Variants in CRYGA observed in about 807,000 individuals in gnomAD.
The protein encoded by CRYGA is gamma-crystallin A.
CRYGA carries 11 observed loss-of-function variants against 13.8 expected under a neutral mutation model. That is an observed-to-expected ratio of 0.80 (90% confidence interval 0.50 to 1.32). CRYGA has a LOEUF of 1.32. Among genes scored for constraint, CRYGA ranks in the 40% most tolerant of loss-of-function variants. CRYGA has a pLI of 0.00. For missense variants in CRYGA, 271 were observed against 234.1 expected, an observed-to-expected ratio of 1.16 and a Z score of -1.03; for synonymous variants, 97 against 89.3, an observed-to-expected ratio of 1.09 and a Z score of -0.48.
Position 208,163,458 on chromosome 2 carries a change from A to G in CRYGA, c.10-12T>C. 1 of 1,613,484 alleles carries G rather than the reference A, an allele frequency of 6.2e-7. No homozygotes were observed. The highest frequency in any genetic ancestry group is 1.1e-5 in the South Asian group (1 of 91,036). On this transcript the variant is annotated splice_polypyrimidine_tract_variant and intron_variant, in intron 1 of 2. Coordinates refer to ENST00000304502, the MANE Select transcript of CRYGA (RefSeq NM_014617.4). Reference sequence around the variant, plus strand: ...TCGTAGAAGGTGATCTGAGGTAGAAATAAGGTGACAGTAGACAGTCAGCTG... The same window carrying G: ...TCGTAGAAGGTGATCTGAGGTAGAAGTAAGGTGACAGTAGACAGTCAGCTG...
intron 2 of CRYGA, among the ~76,000 whole-genome samples, chr2:208,162,277 T>G (rs1261903657): frequency 1.3e-5 from 2 of 152,106 alleles, no homozygotes; most frequent in African/African-American, 2.4e-5. Flanking sequence ...ACTACATAAT[T>G]TGGTGCCAAC....
chr2:208,161,728 A>C (rs1304704648), intron 2 of CRYGA, among the ~76,000 whole-genome samples: 1 of 152,122 alleles, frequency 6.6e-6, no homozygotes, highest in East Asian at 1.9e-4. Flanking sequence ...TTTTGACTCC[A>C]TATAATTGAG....
chr2:208,161,193 A>T, intron 2 of CRYGA, 117 bp from the exon 3 acceptor site: 2 of 1,071,276 alleles, frequency 1.9e-6, no homozygotes, highest in Non-Finnish European at 2.7e-6. Context: ...TATTTTTGAG[A>T]TAAAGGTCTT....
Position 208,160,788 on chromosome 2 carries a change from A to G in CRYGA, c.*16T>C. On this transcript the variant is annotated 3_prime_UTR_variant, in exon 3 of 3. Coordinates refer to ENST00000304502, the MANE Select transcript of CRYGA (RefSeq NM_014617.4). ...TTATTATGTTTCTATGGGGATCACAACAAGGCAGGCACAGCTTAGTACAAA... is the reference window on the plus strand; with the variant it reads ...TTATTATGTTTCTATGGGGATCACAGCAAGGCAGGCACAGCTTAGTACAAA... The G allele has an allele frequency of 6.5e-7, 1 of 1,539,422 alleles. No homozygotes were observed. The highest frequency in any genetic ancestry group is 8.9e-7 in the Non-Finnish European group (1 of 1,119,344).
At chr2:208,163,180 CA>C in intron 2 of CRYGA, 23 bp downstream of exon 2, 1 of 1,589,518 alleles carries the variant, frequency 6.3e-7, no homozygotes, top group East Asian at 2.2e-5. Flanking sequence ...GCTTTCACAT[CA>C]GTCAAGTTGA....
In CRYGA at chr2:208,161,255, T is replaced by A. The variant is rs958565375; in HGVS notation, c.253-179A>T. Among the ~76,000 whole-genome samples the A allele has an allele frequency of 1.7e-4, 26 of 152,054 alleles. 1 individual carries two copies. Among genetic ancestry groups the A allele is most frequent in the Non-Finnish European group, 3.2e-4 (22 of 67,996 alleles). On this transcript the variant is annotated intron_variant, in intron 2 of 2. Coordinates refer to ENST00000304502, the MANE Select transcript of CRYGA (RefSeq NM_014617.4). The stretch of plus-strand genomic sequence containing the variant: ...TGGCAGGATCACTGCTCACTGCAAC[T>A]TTCACCTCCTGGGCTTAAGTAATCC...
chr2:208,160,780 G>T lies in CRYGA; in HGVS notation c.*24C>A. 5.5e-6 allele frequency: 8 copies of T among 1,460,070 alleles called. No homozygotes were observed. The highest frequency in any genetic ancestry group is 7.6e-6 in the Non-Finnish European group (8 of 1,055,278). 90.4% of individuals were successfully genotyped at this position (1,460,070 alleles called of 1,614,324 possible). ...TTGTATATTTATTATGTTTCTATGG[G>T]GATCACAACAAGGCAGGCACAGCTT... On this transcript the variant is annotated 3_prime_UTR_variant, in exon 3 of 3. Transcript: ENST00000304502.
chr2:208,161,279 C>T (rs914099914), intron 2 of CRYGA, among the ~76,000 whole-genome samples: 3 of 152,046 alleles, frequency 2.0e-5, no homozygotes, highest in Non-Finnish European at 4.4e-5. Context: ...CTTAAGTAAT[C>T]CTCCCACCTC....
At chr2:208,163,514 C>A in intron 1 of CRYGA, 34 bp downstream of exon 1, 1 of 1,611,560 alleles carries the variant, frequency 6.2e-7, no homozygotes, top group African/African-American at 1.4e-5. Flanking sequence ...CACAGACCCC[C>A]AATAGACATG....
intron 2 of CRYGA, among the ~76,000 whole-genome samples, chr2:208,161,498 C>A (rs1264909755): frequency 6.6e-6 from 1 of 151,916 alleles, no homozygotes; most frequent in Non-Finnish European, 1.5e-5. Flanking sequence ...GTTTTTTAAA[C>A]CAGTTGATAA....
chr2:208,161,466 A>ACC (rs748760743), intron 2 of CRYGA, among the ~76,000 whole-genome samples: 5 of 152,170 alleles, frequency 3.3e-5, no homozygotes, highest in African/African-American at 1.2e-4. Flanking sequence ...AAATGTTGGG[A>ACC]TTGCACCTGG....
In CRYGA at chr2:208,161,051, T is replaced by C. The variant is rs764884632; in HGVS notation, c.278A>G (p.Tyr93Cys). The change falls in exon 3 of 3, where the codon TAC (tyrosine) becomes TGC (cysteine). Residue 93 changes from tyrosine (Y) to cysteine (C), a missense_variant. By Grantham distance (194) the Tyr-to-Cys change is radical. Coordinates refer to ENST00000304502, the MANE Select transcript of CRYGA (RefSeq NM_014617.4). ...PHTSSHKLRL[Y>C]ERDDYRGLMS... is the part of the protein sequence containing the mutation. ...AAGGCCTCGGTAGTCATCTCTCTCGTACAGCCTTAACTTGTGCGAGCTGGT... is the reference window on the plus strand; with the variant it reads ...AAGGCCTCGGTAGTCATCTCTCTCGCACAGCCTTAACTTGTGCGAGCTGGT... 6.2e-7 allele frequency: 1 copy of C among 1,614,066 alleles called. No individual in the cohort carries two copies. The highest frequency in any genetic ancestry group is 8.5e-7 in the Non-Finnish European group (1 of 1,180,036).
intron 2 of CRYGA, among the ~76,000 whole-genome samples, chr2:208,162,822 AGAGCGAAAGC>A (rs1695784556): frequency 6.6e-6 from 1 of 151,626 alleles, no homozygotes; most frequent in African/African-American, 2.4e-5. Flanking sequence ...CTAGGCAACA[AGAGCGAAAGC>A]GAAGTTCTGT....
At chr2:208,163,481 C>G in intron 1 of CRYGA, 35 bp from the exon 2 acceptor site, 1 of 1,612,708 alleles carries the variant, frequency 6.2e-7, no homozygotes, top group Non-Finnish European at 8.5e-7. Flanking sequence ...AGACAGTCAG[C>G]TGGAAGGAAC....
intron 2 of CRYGA, among the ~76,000 whole-genome samples, chr2:208,161,325 G>A (rs913500492): frequency 1.7e-5 from 2 of 114,436 alleles, no homozygotes; most frequent in Non-Finnish European, 3.5e-5. Context: ...GGTGTGCACT[G>A]TGACACCCGG....
Position 208,160,777 on chromosome 2 carries a change from TG to T in CRYGA, c.*26del. The T allele has an allele frequency of 7.0e-7, 1 of 1,433,374 alleles. No homozygotes were observed. The highest frequency in any genetic ancestry group is 9.7e-7 in the Non-Finnish European group (1 of 1,031,470). The allele number at this position is 1,433,374 out of a possible 1,614,324, so 88.8% of individuals were successfully genotyped here. A position where few individuals can be genotyped will look rare whatever the true frequency, so the allele number is the denominator to read the frequency against. Reference sequence around the variant, plus strand: ...AACTTGTATATTTATTATGTTTCTATGGGGATCACAACAAGGCAGGCACAGC... The same window carrying T: ...AACTTGTATATTTATTATGTTTCTATGGGATCACAACAAGGCAGGCACAGC... On this transcript the variant is annotated 3_prime_UTR_variant, in exon 3 of 3. Coordinates refer to ENST00000304502, the MANE Select transcript of CRYGA (RefSeq NM_014617.4).
chr2:208,163,069 T>C, intron 2 of CRYGA, 135 bp downstream of exon 2: 1 of 700,640 alleles, frequency 1.4e-6, no homozygotes, highest in Non-Finnish European at 2.4e-6. Context: ...TTTTTATATA[T>C]GTTTGAGGGT....
intron 2 of CRYGA, among the ~76,000 whole-genome samples, chr2:208,162,718 A>G (rs1429559749): frequency 1.3e-5 from 2 of 152,214 alleles, no homozygotes; most frequent in East Asian, 3.9e-4. Context: ...ACATGCCTGT[A>G]ATCCCAGCTA....
chr2:208,162,583 C>T lies in CRYGA; in HGVS notation c.252+621G>A, dbSNP rs558884588. Among the ~76,000 whole-genome samples the T allele has an allele frequency of 5.3e-5, 8 of 152,006 alleles. No individual in the cohort carries two copies. The East Asian group carries it at 9.7e-4, about 18-fold the overall frequency. ...TTAAAAAATAATTATCATGGCCGGG[C>T]GCAGTGGCTCATTCCTATAATCCTA... On this transcript the variant is annotated intron_variant, in intron 2 of 2. Coordinates refer to ENST00000304502, the MANE Select transcript of CRYGA (RefSeq NM_014617.4).
Sources: gnomAD v4.1 joint callset for allele counts (sites outside exome capture counted in the v4.1 genomes callset) on GRCh38, gnomAD v4.1.1 for gene constraint, MANE v1.5 for transcripts, NCBI Gene and HGNC (gene_info 2026-07-23, HGNC 2026-07-21) for gene names.